TRIO: variants seen among roughly 807,000 people sequenced by gnomAD.
TRIO encodes triple functional domain protein.
In TRIO, 58 loss-of-function variants were observed where a neutral mutation model predicts 351.9. The ratio of observed to expected loss-of-function variants is 0.16; its 90% confidence interval spans 0.13 to 0.21. The LOEUF is 0.21. TRIO is among the 10% of genes least tolerant of loss of function. TRIO has a pLI of 1.00. For missense variants in TRIO, 3,201 were observed against 4,027.8 expected (o/e 0.79, Z 5.56); for synonymous variants, 1,758 against 1,595.7 (o/e 1.10, Z -2.42).
At chr5:14,145,048 G>C (rs1019967570) in intron 1 of TRIO, among the ~76,000 whole-genome samples, 1 of 152,084 alleles carries the variant, frequency 6.6e-6, no homozygotes, top group African/African-American at 2.4e-5. Context: ...GCGGGCGGGG[G>C]TGCTGGTGGC....
chr5:14,397,016 C>T (rs766544560), intron 28 of TRIO, 27 bp from the exon 29 acceptor site: 2 of 1,573,808 alleles, frequency 1.3e-6, no homozygotes, highest in Non-Finnish European at 1.7e-6. Flanking sequence ...GCAGTCTTTA[C>T]CTAGTTTCTG....
chr5:14,340,973 C>A (rs1347400025), intron 11 of TRIO, among the ~76,000 whole-genome samples: 1 of 152,200 alleles, frequency 6.6e-6, no homozygotes, highest in Non-Finnish European at 1.5e-5. Context: ...TAAAAAGAAT[C>A]CTGAGGTTCG....
At chr5:14,277,576 A>T (rs1198146821) in intron 2 of TRIO, among the ~76,000 whole-genome samples, 1 of 152,218 alleles carries the variant, frequency 6.6e-6, no homozygotes, top group Non-Finnish European at 1.5e-5. Context: ...TAACACACAC[A>T]CATGAGTGTA....
chr5:14,264,574 A>G (rs531101881), intron 1 of TRIO, among the ~76,000 whole-genome samples: 121 of 151,630 alleles, frequency 8.0e-4, no homozygotes, highest in Non-Finnish European at 5.0e-4. Context: ...TTTTTTTTAC[A>G]TATTAGAAAA....
At chr5:14,348,956 G>T (rs1386545343) in intron 11 of TRIO, among the ~76,000 whole-genome samples, 1 of 148,968 alleles carries the variant, frequency 6.7e-6, no homozygotes, top group East Asian at 2.1e-4. Context: ...GTACACACGT[G>T]AGCATGTGTG....
chr5:14,361,192 T>C (rs1209014561), intron 13 of TRIO, among the ~76,000 whole-genome samples: 2 of 152,188 alleles, frequency 1.3e-5, no homozygotes, highest in Non-Finnish European at 2.9e-5. Context: ...AAAAATCGAT[T>C]CGTTTATCTT....
intron 34 of TRIO, among the ~76,000 whole-genome samples, chr5:14,447,229 C>CATAA (rs907797578): frequency 7.9e-5 from 12 of 152,056 alleles, no homozygotes; most frequent in African/African-American, 2.7e-4. Context: ...GAGACTGTCC[C>CATAA]ATAAATAAAT....
chr5:14,381,402 C>T (rs903372504), intron 21 of TRIO, 150 bp downstream of exon 21: 6 of 988,714 alleles, frequency 6.1e-6, no homozygotes, highest in South Asian at 2.0e-5. Context: ...CTTCCGTTCA[C>T]GTGTGTCCCT....
chr5:14,328,452 T>C (rs1740603843), intron 9 of TRIO, among the ~76,000 whole-genome samples: 1 of 152,040 alleles, frequency 6.6e-6, no homozygotes, highest in Admixed American at 6.5e-5. Context: ...CACTAGTTAG[T>C]GTGCTCAATA....
chr5:14,395,594 AC>A (rs1389980198), intron 28 of TRIO, among the ~76,000 whole-genome samples: 1 of 152,174 alleles, frequency 6.6e-6, no homozygotes, highest in Non-Finnish European at 1.5e-5. Flanking sequence ...GCTTAGAATC[AC>A]AGGTAAACAC....
rs1411046488 is a variant in TRIO, at chr5:14,488,090, T to A, written c.7462T>A (p.Ser2488Thr). 2 of 1,603,588 alleles carry A rather than the reference T, an allele frequency of 1.2e-6. No individual in the cohort carries two copies. Among genetic ancestry groups the A allele is most frequent in the Non-Finnish European group, 1.7e-6 (2 of 1,177,908 alleles). The change falls in exon 48 of 57, where the codon TCC (serine) becomes ACC (threonine). Residue 2488 changes from serine (S) to threonine (T), a missense_variant. By Grantham distance (58) the Ser-to-Thr change is moderately conservative. This residue lies in a region of TRIO where 1,089 missense variants were observed against 954.9 expected (regional missense o/e 1.14). Transcript: ENST00000344204. ...PLQKGGSFWS[S>T]IPASPASRPG... ...GCAGAAGGGGGGCTCCTTCTGGAGC[T>A]CCATCCCCGCCTCCCCCGCCAGCCG...
chr5:14,204,330 G>A (rs371145034), intron 1 of TRIO, among the ~76,000 whole-genome samples: 6 of 152,156 alleles, frequency 3.9e-5, no homozygotes, highest in Non-Finnish European at 7.3e-5. Flanking sequence ...CCTCATGGAT[G>A]CCAGAGAGAA....
intron 1 of TRIO, among the ~76,000 whole-genome samples, chr5:14,245,647 C>T (rs1261738442): frequency 6.6e-6 from 1 of 152,212 alleles, no homozygotes; most frequent in East Asian, 1.9e-4. Flanking sequence ...TTGCAATAGA[C>T]ACACTCTTCT....
chr5:14,259,256 T>G (rs747772712), intron 1 of TRIO, among the ~76,000 whole-genome samples: 2 of 152,222 alleles, frequency 1.3e-5, no homozygotes, highest in African/African-American at 4.8e-5. Flanking sequence ...GTGTCAAAAT[T>G]TGTTTTCCCA....
At chr5:14,275,446 T>A (rs1434017446) in intron 2 of TRIO, among the ~76,000 whole-genome samples, 1 of 152,188 alleles carries the variant, frequency 6.6e-6, no homozygotes, top group Non-Finnish European at 1.5e-5. Flanking sequence ...CCAACTTGCT[T>A]CAATTTTAAG....
At chr5:14,354,169 G>T (rs1434397587) in intron 11 of TRIO, among the ~76,000 whole-genome samples, 1 of 152,236 alleles carries the variant, frequency 6.6e-6, no homozygotes, top group African/African-American at 2.4e-5. Context: ...GAGCAGGGCT[G>T]GGAGGGTGGT....
chr5:14,167,833 C>T (rs1278705707), intron 1 of TRIO, among the ~76,000 whole-genome samples: 1 of 152,232 alleles, frequency 6.6e-6, no homozygotes, highest in African/African-American at 2.4e-5. Flanking sequence ...GACCCACCAC[C>T]AGTGGAACAA....
intron 33 of TRIO, among the ~76,000 whole-genome samples, chr5:14,410,924 G>A (rs2152383759): frequency 6.6e-6 from 1 of 152,332 alleles, no homozygotes; most frequent in Non-Finnish European, 1.5e-5. Flanking sequence ...TGTTCCAGAA[G>A]TGAATTTAGT....
chr5:14,490,336 C>T (rs1312330861), intron 48 of TRIO, among the ~76,000 whole-genome samples: 3 of 152,234 alleles, frequency 2.0e-5, no homozygotes, highest in Admixed American at 6.5e-5. Flanking sequence ...AGGCCTCCTT[C>T]CTCCTTGATC....
Sources: allele counts gnomAD v4.1 joint callset (sites outside exome capture counted in the v4.1 genomes callset), GRCh38; gene constraint gnomAD v4.1.1; regional missense constraint gnomAD v4.1.1; transcripts MANE v1.5; gene names NCBI Gene and HGNC (gene_info 2026-07-23, HGNC 2026-07-21).